The following ERI3 variants were observed in gnomAD, a reference collection of about 807,000 sequenced individuals.
The protein encoded by ERI3 is ERI1 exoribonuclease 3.
ERI3 carries 18 observed loss-of-function variants against 44.4 expected under a neutral mutation model. The ratio of observed to expected loss-of-function variants is 0.41; its 90% CI spans 0.28 to 0.60. The LOEUF (loss-of-function observed/expected upper bound fraction) is 0.60. Ranked by LOEUF, ERI3 falls within the 20% of genes least tolerant of loss-of-function variation. The pLI is 0.36. For missense variants in ERI3, 294 were observed against 435.5 expected, an observed-to-expected ratio of 0.68 and a Z score of 2.89; for synonymous variants, 183 against 164.8, an observed-to-expected ratio of 1.11 and a Z score of -0.84.
At chr1:44,269,991 G>A (rs1303244538) in intron 7 of ERI3, among the ~76,000 whole-genome samples, 1 of 152,204 alleles carries the variant, frequency 6.6e-6, no homozygotes. Context: ...GATAAACATG[G>A]TGAAACCTGC....
intron 8 of ERI3, among the ~76,000 whole-genome samples, chr1:44,223,714 G>A (rs943818987): frequency 6.6e-6 from 1 of 152,144 alleles, no homozygotes; most frequent in African/African-American, 2.4e-5. Context: ...CCAACCCCCA[G>A]GCCACCAGCC....
At chr1:44,353,919 G>A (rs1240436816) in intron 1 of ERI3, 1 of 985,176 alleles carries the variant, frequency 1.0e-6, no homozygotes, top group Non-Finnish European at 1.2e-6. Flanking sequence ...CAGCCAAGTG[G>A]GTTTCTAACC....
rs968092046 is a variant in ERI3, at chr1:44,235,514, G to A, written c.931+12425C>T. On this transcript the variant is annotated intron_variant, in intron 8 of 8. Transcript: ENST00000372257. The surrounding 1 kb of genome is among the most constrained non-coding windows in gnomAD (Gnocchi z 4.6). The stretch of plus-strand genomic sequence containing the variant: ...TTTGAGGGCACAGGTGTTATCCACA[G>A]AGACACTCAAGAAATACATACTGAA... 6.6e-6 allele frequency among the ~76,000 whole-genome samples: 1 copy of A among 152,118 alleles called. No individual in the cohort carries two copies. Among genetic ancestry groups the A allele is most frequent in the African/African-American group, 2.4e-5 (1 of 41,406 alleles).
intron 6 of ERI3, among the ~76,000 whole-genome samples, chr1:44,285,393 A>T (rs1005984165): frequency 1.3e-5 from 2 of 152,202 alleles, no homozygotes; most frequent in Admixed American, 1.3e-4. Context: ...TTGTTACAGC[A>T]GAGAGGCAGA....
rs58557158 is a variant in ERI3 at position 44,335,776 on chromosome 1, CAAAAA to C, written c.489+3264_489+3268del. Among the ~76,000 whole-genome samples the C allele has an allele frequency of 1.9e-4, 14 of 72,794 alleles. No individual in the cohort carries two copies. In the Admixed American group the frequency reaches 1.9e-3, roughly 10 times the overall value. 47.8% of individuals were successfully genotyped at this position (72,794 alleles called of 152,430 possible). A position where few individuals can be genotyped will look rare whatever the true frequency, so the allele number is the denominator to read the frequency against. ...GGGCAACAAGAGCGAAACTCCATCTCAAAAAAAAAAAAAAAAAAGAATCAAAGAAT... is the reference window on the plus strand; with the variant it reads ...GGGCAACAAGAGCGAAACTCCATCTCAAAAAAAAAAAAAGAATCAAAGAAT... On this transcript the variant is annotated intron_variant, in intron 3 of 8. Coordinates refer to ENST00000372257, the MANE Select transcript of ERI3 (RefSeq NM_024066.3).
rs577060018 is a variant in ERI3 at position 44,340,402 on chromosome 1, T to C, written c.212-1080A>G. ...GAAATCTCACTGTACAATACAGTAA[T>C]GGCCATAGTTTGTGCTTTCCGAAGC... On this transcript the variant is annotated intron_variant, in intron 2 of 8. Transcript: ENST00000372257. 1.6e-3 allele frequency among the ~76,000 whole-genome samples: 250 copies of C among 152,338 alleles called. 2 individuals carry two copies. Among genetic ancestry groups the C allele is most frequent in the Middle Eastern group, 6.8e-3 (2 of 294 alleles).
At chr1:44,253,206 C>T (rs1644717196) in intron 7 of ERI3, among the ~76,000 whole-genome samples, 1 of 152,222 alleles carries the variant, frequency 6.6e-6, no homozygotes, top group Admixed American at 6.5e-5. Context: ...TGGAGTATGC[C>T]ACATATACTT....
rs534963565 is a variant in ERI3 at position 44,355,044 on chromosome 1, G to A, written c.-18C>T. 13 of 1,371,106 alleles carry A rather than the reference G, an allele frequency of 9.5e-6. No homozygotes were observed. In the African/African-American group the frequency reaches 1.5e-4, roughly 16 times the overall value. The allele number at this position is 1,371,106 out of a possible 1,614,324, so 84.9% of individuals were successfully genotyped here. On this transcript the variant is annotated 5_prime_UTR_variant, in exon 1 of 9. Coordinates refer to ENST00000372257, the MANE Select transcript of ERI3 (RefSeq NM_024066.3). ...GTCGCCATGGCAACGCCCCCTCCTC[G>A]GGGCCAGCGCGGCAGGCTCCCTCCA...
At chr1:44,251,024 C>A (rs1459499329) in intron 7 of ERI3, among the ~76,000 whole-genome samples, 1 of 152,180 alleles carries the variant, frequency 6.6e-6, no homozygotes, top group Admixed American at 6.5e-5. Context: ...AAGCATAGTA[C>A]CAGGGCCCAG....
intron 3 of ERI3, among the ~76,000 whole-genome samples, chr1:44,336,506 C>G (rs1266825760): frequency 6.6e-6 from 1 of 152,030 alleles, no homozygotes; most frequent in South Asian, 2.1e-4. Flanking sequence ...ACATTTATCA[C>G]TTGCCCTAGA....
intron 7 of ERI3, among the ~76,000 whole-genome samples, chr1:44,275,382 C>T (rs1273548527): frequency 3.9e-5 from 6 of 152,184 alleles, no homozygotes; most frequent in Non-Finnish European, 8.8e-5. Context: ...TGCATCATCC[C>T]GACCTGCTGA....
intron 3 of ERI3, 88 bp downstream of exon 3, chr1:44,338,956 GA>G: frequency 6.8e-7 from 1 of 1,477,156 alleles, no homozygotes; most frequent in South Asian, 1.3e-5. Context: ...GAAGGCATGA[GA>G]AAGCTCCTTT....
rs142870916 is a variant in ERI3 at position 44,292,759 on chromosome 1, C to T, written c.759-7852G>A. The stretch of plus-strand genomic sequence containing the variant: ...CCACACTTGCCCCCTTCCTCTGGGA[C>T]GGCTGCAGGTTACAATTCCAACCAC... On this transcript the variant is annotated intron_variant, in intron 6 of 8. Transcript: ENST00000372257. 1.4e-3 allele frequency among the ~76,000 whole-genome samples: 218 copies of T among 152,314 alleles called. 1 individual carries two copies. Among genetic ancestry groups the T allele is most frequent in the Middle Eastern group, 3.4e-3 (1 of 294 alleles).
intron 6 of ERI3, among the ~76,000 whole-genome samples, chr1:44,294,151 C>T (rs999188773): frequency 6.6e-6 from 1 of 152,244 alleles, no homozygotes; most frequent in African/African-American, 2.4e-5. Flanking sequence ...CCGTCACCTG[C>T]GTCTGGGTCT....
chr1:44,335,705 C>G (rs894152256), intron 3 of ERI3, among the ~76,000 whole-genome samples: 5 of 143,564 alleles, frequency 3.5e-5, no homozygotes, highest in Non-Finnish European at 7.7e-5. Context: ...GAGCCGAGAT[C>G]ACACCATTGC....
At position 44,285,381 on chromosome 1, in the gene ERI3, T is replaced by C. The variant is rs193154049; in HGVS notation, c.759-474A>G. Among the ~76,000 whole-genome samples the C allele has an allele frequency of 5.2e-4, 79 of 152,310 alleles. No individual in the cohort carries two copies. The East Asian group carries it at 0.011, about 20-fold the overall frequency. On this transcript the variant is annotated intron_variant, in intron 6 of 8. Transcript: ENST00000372257. ...GTTCTTTCTATGCACTGGTTTGTTA[T>C]TTTGTTACAGCAGAGAGGCAGACAG...
At chr1:44,222,601 C>T (rs546006434) in intron 8 of ERI3, among the ~76,000 whole-genome samples, 1 of 152,170 alleles carries the variant, frequency 6.6e-6, no homozygotes, top group South Asian at 2.1e-4. Flanking sequence ...ACCACCACCA[C>T]CAGCAGCAGG....
chr1:44,243,837 T>A (rs893560459), intron 8 of ERI3: 4 of 152,208 alleles, frequency 2.6e-5, no homozygotes, highest in African/African-American at 9.7e-5. Flanking sequence ...ATCGTCTCTA[T>A]TGGTAGCGCA....
At position 44,322,014 on chromosome 1, in the gene ERI3, GA is replaced by G. The variant is rs1261252583; in HGVS notation, c.490-2271del. ...TAAAAATATCTATCAAACATTAATA[GA>G]AAAAAACCCTCTATTACCAAGAATT... On this transcript the variant is annotated intron_variant, in intron 3 of 8. Coordinates refer to ENST00000372257, the MANE Select transcript of ERI3 (RefSeq NM_024066.3). Among the ~76,000 whole-genome samples, 9 of 152,076 alleles carry G rather than the reference GA, an allele frequency of 5.9e-5. No individual in the cohort carries two copies. The South Asian group carries it at 6.2e-4, about 11-fold the overall frequency.
Sources: gnomAD v4.1 joint callset for allele counts (sites outside exome capture counted in the v4.1 genomes callset) on GRCh38, gnomAD v4.1.1 for gene constraint, Gnocchi (gnomAD v3.1) non-coding constraint, MANE v1.5 for transcripts, NCBI Gene and HGNC (gene_info 2026-07-23, HGNC 2026-07-21) for gene names.